The following EBF1 variants were observed in gnomAD, a reference collection of about 807,000 sequenced individuals.
EBF1 encodes the protein transcription factor COE1.
A neutral mutation model predicts 68.4 loss-of-function variants in EBF1; 10 were observed. The observed-to-expected ratio is 0.15, with a 90% CI of 0.09 to 0.25. The LOEUF (loss-of-function observed/expected upper bound fraction) is 0.25, where lower values mean the gene tolerates loss of function less well. EBF1 is among the 10% of genes least tolerant of loss of function. EBF1 has a pLI of 1.00. For synonymous variants in EBF1, 298 were observed against 299.8 expected, an observed-to-expected ratio of 0.99 and a Z score of 0.06; for missense variants, 509 against 794.4, an observed-to-expected ratio of 0.64 and a Z score of 4.32.
chr5:158,884,783 TTACA>T lies in EBF1; in HGVS notation c.555-44677_555-44674del, dbSNP rs1246315000. 9.2e-5 allele frequency among the ~76,000 whole-genome samples: 14 copies of T among 152,336 alleles called. No homozygotes were observed. In the East Asian group the frequency reaches 1.2e-3, roughly 13 times the overall value. ...TGCTTACTCTATGATAGAAAATATC[TTACA>T]TAATTTATGTCTCTTCATCCATTTG... On this transcript the variant is annotated intron_variant, in intron 6 of 15. Coordinates refer to ENST00000313708, the MANE Select transcript of EBF1 (RefSeq NM_024007.5).
chr5:158,977,337 T>G (rs1054357477), intron 6 of EBF1, among the ~76,000 whole-genome samples: 1 of 152,216 alleles, frequency 6.6e-6, no homozygotes, highest in African/African-American at 2.4e-5. Context: ...TAATCTATGA[T>G]TTATAGCTTG....
chr5:158,728,419 T>C (rs1272260222), intron 11 of EBF1, among the ~76,000 whole-genome samples: 2 of 152,210 alleles, frequency 1.3e-5, no homozygotes, highest in Non-Finnish European at 2.9e-5. Context: ...TTGTTCAACA[T>C]TTCTGAACAT....
chr5:158,994,016 C>T (rs1476776453), intron 6 of EBF1, among the ~76,000 whole-genome samples: 1 of 152,196 alleles, frequency 6.6e-6, no homozygotes, highest in Non-Finnish European at 1.5e-5. Flanking sequence ...GTTATCATCA[C>T]AGCAGGTGGG....
At chr5:158,794,239 C>A (rs1324569631) in intron 9 of EBF1, among the ~76,000 whole-genome samples, 1 of 152,098 alleles carries the variant, frequency 6.6e-6, no homozygotes. Flanking sequence ...GGGCTCCTGG[C>A]ACACACAAGG....
At chr5:159,062,329 A>AT (rs1776008268) in intron 6 of EBF1, among the ~76,000 whole-genome samples, 1 of 152,146 alleles carries the variant, frequency 6.6e-6, no homozygotes, top group East Asian at 1.9e-4. Flanking sequence ...GCCTGATTGG[A>AT]TTTTGTGTCC....
intron 6 of EBF1, among the ~76,000 whole-genome samples, chr5:158,878,217 G>T (rs1798157104): frequency 6.6e-6 from 1 of 152,094 alleles, no homozygotes; most frequent in Admixed American, 6.6e-5. Flanking sequence ...AGTGAGGACA[G>T]ATCTGTATAT....
chr5:158,781,454 G>A (rs765322718), intron 9 of EBF1, among the ~76,000 whole-genome samples: 1 of 151,948 alleles, frequency 6.6e-6, no homozygotes, highest in Non-Finnish European at 1.5e-5. Flanking sequence ...TACACTTGTA[G>A]ACTTGATCTC....
At chr5:158,859,302 C>A (rs1794594641) in intron 6 of EBF1, among the ~76,000 whole-genome samples, 2 of 152,140 alleles carry the variant, frequency 1.3e-5, no homozygotes, top group Non-Finnish European at 2.9e-5. Context: ...TTCCTTTTGC[C>A]TGTAATGCCT....
intron 6 of EBF1, among the ~76,000 whole-genome samples, chr5:158,951,551 G>A (rs539809786): frequency 9.2e-5 from 14 of 152,090 alleles, no homozygotes; most frequent in Non-Finnish European, 1.6e-4. Flanking sequence ...TCTTCTTCCC[G>A]CCAATGTGCA....
At chr5:158,820,992 C>T (rs941254132) in intron 8 of EBF1, among the ~76,000 whole-genome samples, 4 of 152,156 alleles carry the variant, frequency 2.6e-5, no homozygotes, top group African/African-American at 4.8e-5. Flanking sequence ...TTCACTGTTG[C>T]CAAACTGGAA....
chr5:159,040,171 A>G (rs1770894966), intron 6 of EBF1, among the ~76,000 whole-genome samples: 1 of 152,154 alleles, frequency 6.6e-6, no homozygotes, highest in African/African-American at 2.4e-5. Flanking sequence ...CTGGCCAGTA[A>G]ACCTAAGGAA....
chr5:158,773,047 C>T (rs1374611639), intron 10 of EBF1, among the ~76,000 whole-genome samples: 1 of 151,850 alleles, frequency 6.6e-6, no homozygotes. Context: ...CCTAAGCAGT[C>T]AATCAGTATG....
chr5:158,998,544 T>C (rs1761913563), intron 6 of EBF1, among the ~76,000 whole-genome samples: 1 of 152,212 alleles, frequency 6.6e-6, no homozygotes, highest in Non-Finnish European at 1.5e-5. Flanking sequence ...AATAAGCAAA[T>C]GAATGCACTA....
intron 8 of EBF1, among the ~76,000 whole-genome samples, chr5:158,801,969 C>T (rs994066886): frequency 2.0e-5 from 3 of 152,136 alleles, no homozygotes; most frequent in Admixed American, 2.0e-4. Context: ...GCACTTCAGC[C>T]TCCAATAGAA....
intron 6 of EBF1, among the ~76,000 whole-genome samples, chr5:158,953,160 T>C (rs1816390180): frequency 6.6e-6 from 1 of 152,212 alleles, no homozygotes; most frequent in Non-Finnish European, 1.5e-5. Context: ...ATCTGCTAAC[T>C]ACACCAGTAA....
chr5:158,800,395 A>T (rs141574955), intron 8 of EBF1, among the ~76,000 whole-genome samples: 57 of 152,280 alleles, frequency 3.7e-4, no homozygotes, highest in African/African-American at 1.3e-3. Context: ...TATAAAAAGA[A>T]CTAGACTGGG....
intron 7 of EBF1, among the ~76,000 whole-genome samples, chr5:158,824,528 C>T (rs1163754784): frequency 1.3e-5 from 2 of 152,244 alleles, no homozygotes; most frequent in East Asian, 3.8e-4. Context: ...CTCAATTCCC[C>T]AGTTGCTTGG....
At chr5:158,753,976 T>A (rs928018915) in intron 10 of EBF1, among the ~76,000 whole-genome samples, 2 of 152,082 alleles carry the variant, frequency 1.3e-5, no homozygotes. Flanking sequence ...ATATAGTATT[T>A]GCTAATTTTT....
At chr5:158,830,102 A>G (rs1368176008) in intron 7 of EBF1, among the ~76,000 whole-genome samples, 2 of 152,210 alleles carry the variant, frequency 1.3e-5, no homozygotes, top group African/African-American at 4.8e-5. Context: ...AGTCCTCAAT[A>G]TAAGTTATGG....
Sources: gnomAD v4.1 joint callset for allele counts (sites outside exome capture counted in the v4.1 genomes callset) on GRCh38, gnomAD v4.1.1 for gene constraint, MANE v1.5 for transcripts, NCBI Gene and HGNC (gene_info 2026-07-23, HGNC 2026-07-21) for gene names.